Variants in CISD2 observed in about 807,000 individuals in gnomAD.
CISD2 encodes CDGSH iron sulfur domain 2.
In CISD2, 1 loss-of-function variant was observed where a neutral mutation model predicts 12.9. That is an observed-to-expected ratio of 0.08 (90% CI 0.03 to 0.37). The LOEUF is 0.37. CISD2 is among the 10% of genes least tolerant of loss of function. CISD2 has a pLI of 0.99. For missense variants in CISD2, 97 were observed against 163.1 expected (o/e 0.59, Z 2.21); for synonymous variants, 50 against 60.6 (o/e 0.83, Z 0.81).
intron 1 of CISD2, among the ~76,000 whole-genome samples, chr4:102,883,903 T>A (rs1297853302): frequency 4.6e-5 from 7 of 152,244 alleles, no homozygotes; most frequent in Non-Finnish European, 8.8e-5. Flanking sequence ...AGCTACCATT[T>A]ATTGTGTCTT....
chr4:102,880,419 A>T (rs771246840), intron 1 of CISD2, among the ~76,000 whole-genome samples: 1 of 152,242 alleles, frequency 6.6e-6, no homozygotes, highest in Non-Finnish European at 1.5e-5. Context: ...ATGTATTTAC[A>T]TACCAAAAAA....
chr4:102,889,619 C>T lies in CISD2; in HGVS notation c.*2189C>T, dbSNP rs2110407493. 1.4e-5 allele frequency: 2 copies of T among 143,780 alleles called. No homozygotes were observed. Among genetic ancestry groups the T allele is most frequent in the South Asian group, 4.5e-4 (2 of 4,398 alleles). The allele number at this position is 143,780 out of a possible 1,614,324, so 8.9% of individuals were successfully genotyped here. A position where few individuals can be genotyped will look rare whatever the true frequency, so the allele number is the denominator to read the frequency against. On this transcript the variant is annotated 3_prime_UTR_variant, in exon 3 of 3. Coordinates refer to ENST00000273986, the MANE Select transcript of CISD2 (RefSeq NM_001008388.5). ...ACCCCAAAAGTAAGATGGTTGTACT[C>T]TCAGAATAAAGACTTTTTCCCTGCC...
At chr4:102,869,376 C>T (rs1188299541) in intron 1 of CISD2, 189 bp downstream of exon 1, 2 of 765,328 alleles carry the variant, frequency 2.6e-6, no homozygotes, top group African/African-American at 3.4e-5. Context: ...TCTCCGGGTG[C>T]TTGATGCCCC....
At chr4:102,886,057 T>C (rs1733894860) in intron 2 of CISD2, among the ~76,000 whole-genome samples, 1 of 152,160 alleles carries the variant, frequency 6.6e-6, no homozygotes, top group Non-Finnish European at 1.5e-5. Flanking sequence ...ACAGCATCCT[T>C]TGTAATAGCA....
rs549716095 is a variant in CISD2 at position 102,891,133 on chromosome 4, G to A, written c.*3703G>A. The stretch of plus-strand genomic sequence containing the variant: ...ATTTTCCCTCTGTTAAACTAATATC[G>A]ACTAATAGTAGTCTAGGTAAGTCAA... On this transcript the variant is annotated 3_prime_UTR_variant, in exon 3 of 3. Transcript: ENST00000273986. The A allele has an allele frequency of 3.3e-5, 5 of 151,300 alleles. No individual in the cohort carries two copies. Among genetic ancestry groups the A allele is most frequent in the African/African-American group, 7.4e-5 (3 of 40,722 alleles). 9.4% of individuals were successfully genotyped at this position (151,300 alleles called of 1,614,324 possible).
intron 1 of CISD2, chr4:102,882,647 A>G (rs1733752550): frequency 6.6e-6 from 1 of 152,302 alleles, no homozygotes; most frequent in Non-Finnish European, 1.5e-5. Flanking sequence ...GTAGCTAGCT[A>G]TTGAGCCTCT....
At chr4:102,879,274 G>A (rs7670412) in intron 1 of CISD2, among the ~76,000 whole-genome samples, 2,458 of 151,910 alleles carry the variant, frequency 0.016, 64 homozygotes, top group African/African-American at 0.053. Context: ...AATTTTTATA[G>A]TAATAATTAT....
chr4:102,879,146 C>T (rs1224314533), intron 1 of CISD2, among the ~76,000 whole-genome samples: 3 of 152,076 alleles, frequency 2.0e-5, no homozygotes, highest in Non-Finnish European at 4.4e-5. Context: ...TAATCACCAA[C>T]CACCAGGTTC....
chr4:102,876,884 C>T (rs1422215837), intron 1 of CISD2, among the ~76,000 whole-genome samples: 1 of 152,166 alleles, frequency 6.6e-6, no homozygotes, highest in African/African-American at 2.4e-5. Flanking sequence ...ACACCTTCTT[C>T]ACAAGGAGGC....
intron 1 of CISD2, among the ~76,000 whole-genome samples, chr4:102,872,923 G>T (rs1326096739): frequency 6.6e-6 from 1 of 152,192 alleles, no homozygotes; most frequent in Non-Finnish European, 1.5e-5. Context: ...AAGGAAAGAG[G>T]TTTAATCCAC....
At chr4:102,877,775 T>C (rs919307954) in intron 1 of CISD2, among the ~76,000 whole-genome samples, 2 of 152,236 alleles carry the variant, frequency 1.3e-5, no homozygotes, top group African/African-American at 4.8e-5. Context: ...ACCTCAATTC[T>C]AGACTTCTAT....
rs1162347734 is a variant in CISD2 at position 102,888,563 on chromosome 4, A to ATCTT, written c.*1135_*1138dup. On this transcript the variant is annotated 3_prime_UTR_variant, in exon 3 of 3. Coordinates refer to ENST00000273986, the MANE Select transcript of CISD2 (RefSeq NM_001008388.5). ...GTTTGTGAAATAAACGTACTGGAGA[A>ATCTT]TCTTTAAAATTTTTGTGCTTTTTAA... 2.0e-5 allele frequency: 3 copies of ATCTT among 152,258 alleles called. No individual in the cohort carries two copies. Among genetic ancestry groups the ATCTT allele is most frequent in the Non-Finnish European group, 4.4e-5 (3 of 68,046 alleles). The allele number at this position is 152,258 out of a possible 1,614,324, so 9.4% of individuals were successfully genotyped here. A position where few individuals can be genotyped will look rare whatever the true frequency, so the allele number is the denominator to read the frequency against.
At chr4:102,882,963 G>A (rs1018572414) in intron 1 of CISD2, 2 of 152,128 alleles carry the variant, frequency 1.3e-5, no homozygotes, top group Admixed American at 6.6e-5. Context: ...GGCCAGGCTG[G>A]TCTTGAACTC....
chr4:102,873,464 G>T (rs112727066), intron 1 of CISD2, among the ~76,000 whole-genome samples: 1 of 151,588 alleles, frequency 6.6e-6, no homozygotes. Flanking sequence ...TTTTAGAGAC[G>T]GGGTTTTGCC....
chr4:102,878,698 C>A (rs1733647170), intron 1 of CISD2, among the ~76,000 whole-genome samples: 1 of 152,164 alleles, frequency 6.6e-6, no homozygotes, highest in South Asian at 2.1e-4. Context: ...TTGGTCAAAA[C>A]CATTCAATAA....
intron 1 of CISD2, chr4:102,869,502 C>T (rs754239840): frequency 1.1e-5 from 8 of 702,462 alleles, no homozygotes; most frequent in Non-Finnish European, 2.1e-5. Flanking sequence ...CTGTCCTGCT[C>T]ATCGCTCTCT....
At chr4:102,879,365 G>C (rs936230359) in intron 1 of CISD2, among the ~76,000 whole-genome samples, 15 of 152,158 alleles carry the variant, frequency 9.9e-5, no homozygotes, top group African/African-American at 3.6e-4. Flanking sequence ...AAAATCAGAA[G>C]GGGGGGATTG....
At chr4:102,876,066 T>G (rs769335393) in intron 1 of CISD2, among the ~76,000 whole-genome samples, 3 of 152,230 alleles carry the variant, frequency 2.0e-5, no homozygotes, top group Non-Finnish European at 4.4e-5. Flanking sequence ...GTTACTATAG[T>G]CTGTGATCAT....
intron 1 of CISD2, among the ~76,000 whole-genome samples, chr4:102,880,021 C>T (rs774583650): frequency 1.3e-5 from 2 of 151,912 alleles, no homozygotes; most frequent in Non-Finnish European, 2.9e-5. Flanking sequence ...TACCTCACTG[C>T]CACCTCCACT....
Sources: allele counts gnomAD v4.1 joint callset (sites outside exome capture counted in the v4.1 genomes callset), GRCh38; gene constraint gnomAD v4.1.1; transcripts MANE v1.5; gene names NCBI Gene and HGNC (gene_info 2026-07-23, HGNC 2026-07-21).